ITGA6: variants seen among roughly 807,000 people sequenced by gnomAD.
ITGA6 encodes the protein integrin subunit alpha 6, also known as integrin alpha-6.
In ITGA6, 63 loss-of-function variants were observed where a neutral mutation model predicts 133.6. The ratio of observed to expected loss-of-function variants is 0.47; its 90% CI spans 0.38 to 0.58. The LOEUF (loss-of-function observed/expected upper bound fraction) is 0.58. Ranked by LOEUF, ITGA6 falls within the 20% of genes least tolerant of loss-of-function variation. The pLI, the probability that ITGA6 is intolerant of heterozygous loss-of-function variation, is 0.00. For missense variants in ITGA6, 1,068 were observed against 1,309.4 expected (o/e 0.82, Z 2.85); for synonymous variants, 434 against 482.0 (o/e 0.90, Z 1.30).
chr2:172,460,851 C>T (rs1489222150), intron 1 of ITGA6, among the ~76,000 whole-genome samples: 1 of 152,168 alleles, frequency 6.6e-6, no homozygotes, highest in Non-Finnish European at 1.5e-5. Flanking sequence ...TCTAATGGTG[C>T]AATATTTCAT....
In ITGA6 at chr2:172,486,989, G is replaced by A; in HGVS notation, c.1855-34G>A. On this transcript the variant is annotated intron_variant, in intron 13 of 25. Transcript: ENST00000684293. ...TCGATGCCTTCCTGAGTCCTGAATG[G>A]TGTAAATTGACAATAGTTTTCGTTT... is the stretch of plus-strand genomic sequence containing the variant. 5 of 1,175,050 alleles carry A rather than the reference G, an allele frequency of 4.3e-6. No homozygotes were observed. In the South Asian group the frequency reaches 6.1e-5, roughly 14 times the overall value. The allele number at this position is 1,175,050 out of a possible 1,614,324, so 72.8% of individuals were successfully genotyped here. A position where few individuals can be genotyped will look rare whatever the true frequency, so the allele number is the denominator to read the frequency against.
rs946367058 is a variant in ITGA6 at position 172,491,782 on chromosome 2, C to T, written c.2988+259C>T. ...TGGCTCAATTCAGAGAATGGGTGCACCTCACAGCCCTCTAGAAACCTGTGT... is the reference window on the plus strand; with the variant it reads ...TGGCTCAATTCAGAGAATGGGTGCATCTCACAGCCCTCTAGAAACCTGTGT... On this transcript the variant is annotated intron_variant, in intron 23 of 25. Coordinates refer to ENST00000684293, the MANE Select transcript of ITGA6 (RefSeq NM_000210.4). The surrounding 1 kb of genome is among the most constrained non-coding windows in gnomAD (Gnocchi z 4.4). 6.6e-6 allele frequency among the ~76,000 whole-genome samples: 1 copy of T among 152,162 alleles called. No homozygotes were observed. Among genetic ancestry groups the T allele is most frequent in the Non-Finnish European group, 1.5e-5 (1 of 68,040 alleles).
intron 1 of ITGA6, among the ~76,000 whole-genome samples, chr2:172,463,948 T>A (rs1308025084): frequency 6.6e-6 from 1 of 152,246 alleles, no homozygotes; most frequent in African/African-American, 2.4e-5. Flanking sequence ...CGGCCTTGCC[T>A]CTGTCCTCTG....
chr2:172,443,880 TCCTCCCGCCTCGG>T (rs1684642129), intron 1 of ITGA6, among the ~76,000 whole-genome samples: 1 of 152,196 alleles, frequency 6.6e-6, no homozygotes, highest in East Asian at 1.9e-4. Context: ...GCTCAGGTGA[TCCTCCCGCCTCGG>T]CCTCCCGAGT....
intron 4 of ITGA6, 65 bp downstream of exon 4, chr2:172,469,445 C>T: frequency 9.5e-6 from 14 of 1,466,932 alleles, no homozygotes; most frequent in African/African-American, 1.4e-5. Context: ...TGATTTAGTA[C>T]ATTTTGAGCT....
chr2:172,458,779 G>A (rs190462394), intron 1 of ITGA6, among the ~76,000 whole-genome samples: 5 of 152,282 alleles, frequency 3.3e-5, no homozygotes, highest in Admixed American at 2.6e-4. Flanking sequence ...ACAAGAAACA[G>A]ATAATCCAGG....
At chr2:172,461,070 T>G (rs1467114960) in intron 1 of ITGA6, among the ~76,000 whole-genome samples, 1 of 152,228 alleles carries the variant, frequency 6.6e-6, no homozygotes, top group Non-Finnish European at 1.5e-5. Context: ...GGATGTGGCT[T>G]ACTTGAAGAA....
At chr2:172,459,537 A>G (rs1248171250) in intron 1 of ITGA6, among the ~76,000 whole-genome samples, 1 of 152,194 alleles carries the variant, frequency 6.6e-6, no homozygotes, top group African/African-American at 2.4e-5. Flanking sequence ...AGTCAGACTA[A>G]CACCAGAATT....
intron 15 of ITGA6, 21 bp from the exon 16 acceptor site, chr2:172,487,526 T>C: frequency 5.0e-6 from 8 of 1,612,836 alleles, no homozygotes; most frequent in Non-Finnish European, 6.8e-6. Flanking sequence ...GATTGTGACC[T>C]AGCGTGTGTT....
At chr2:172,433,756 T>C (rs1684204235) in intron 1 of ITGA6, among the ~76,000 whole-genome samples, 1 of 152,220 alleles carries the variant, frequency 6.6e-6, no homozygotes, top group South Asian at 2.1e-4. Context: ...TCTCCCTTTC[T>C]TCCATTCCAC....
intron 24 of ITGA6, among the ~76,000 whole-genome samples, chr2:172,500,130 T>C (rs1044126521): frequency 6.6e-6 from 1 of 152,126 alleles, no homozygotes; most frequent in Non-Finnish European, 1.5e-5. Context: ...TGTATATCCA[T>C]GTAGAGGGCA....
At chr2:172,427,412 G>A, upstream of ITGA6, 1 of 1,024,976 alleles carries the variant, frequency 9.8e-7, no homozygotes, top group Non-Finnish European at 1.2e-6. Context: ...CGCCTCCGGG[G>A]CTCCCACGTC....
chr2:172,443,358 G>A (rs1433684630), intron 1 of ITGA6, among the ~76,000 whole-genome samples: 1 of 152,114 alleles, frequency 6.6e-6, no homozygotes, highest in Non-Finnish European at 1.5e-5. Flanking sequence ...ATCCTTCGCC[G>A]TTAAAAGCAG....
intron 1 of ITGA6, among the ~76,000 whole-genome samples, chr2:172,458,294 G>A (rs1685296321): frequency 6.7e-6 from 1 of 150,074 alleles, no homozygotes; most frequent in African/African-American, 2.5e-5. Context: ...AGGCTGGAGT[G>A]CAGTAGTACA....
At chr2:172,461,064 G>A (rs1173717981) in intron 1 of ITGA6, among the ~76,000 whole-genome samples, 2 of 152,342 alleles carry the variant, frequency 1.3e-5, no homozygotes, top group East Asian at 1.9e-4. Context: ...TGAAACGGAT[G>A]TGGCTTACTT....
intron 2 of ITGA6, among the ~76,000 whole-genome samples, chr2:172,467,081 A>AT (rs978812775): frequency 5.1e-4 from 78 of 152,106 alleles, no homozygotes; most frequent in Middle Eastern, 3.4e-3. Flanking sequence ...AGAAGTACCC[A>AT]TTTTTTTTGT....
At chr2:172,450,862 A>AATATGCAAATATATTTATATATTT (rs1559122774) in intron 1 of ITGA6, among the ~76,000 whole-genome samples, 4 of 139,650 alleles carry the variant, frequency 2.9e-5, no homozygotes, top group African/African-American at 1.2e-4. Context: ...GTATTTATAT[A>AATATGCAAATATATTTATATATTT]ATATACAAAT....
intron 9 of ITGA6, among the ~76,000 whole-genome samples, chr2:172,479,358 G>T (rs1402392548): frequency 2.6e-5 from 4 of 152,208 alleles, no homozygotes; most frequent in African/African-American, 9.7e-5. Flanking sequence ...GGGTGTTCGG[G>T]TGGGAATGGA....
chr2:172,464,121 T>G (rs954384562), intron 1 of ITGA6: 1 of 152,382 alleles, frequency 6.6e-6, no homozygotes, highest in Non-Finnish European at 1.5e-5. Context: ...GGAAGGACAG[T>G]GCTGGGGCTA....
Sources: gnomAD v4.1 joint callset for allele counts (sites outside exome capture counted in the v4.1 genomes callset) on GRCh38, gnomAD v4.1.1 for gene constraint, Gnocchi (gnomAD v3.1) non-coding constraint, MANE v1.5 for transcripts, NCBI Gene and HGNC (gene_info 2026-07-23, HGNC 2026-07-21) for gene names.